Variants in ZNF273 observed in about 807,000 individuals in gnomAD.
The protein encoded by ZNF273 is zinc finger protein 273.
In ZNF273, 11 loss-of-function variants were observed where a neutral mutation model predicts 14.9. The observed-to-expected ratio is 0.74, with a 90% confidence interval of 0.46 to 1.22. The LOEUF (loss-of-function observed/expected upper bound fraction) is 1.22, where lower values mean the gene tolerates loss of function less well. ZNF273 is among the 50% of genes most tolerant of loss of function. The pLI is 0.00. For synonymous variants in ZNF273, 199 were observed against 223.9 expected, an observed-to-expected ratio of 0.89 and a Z score of 0.99; for missense variants, 577 against 660.6, an observed-to-expected ratio of 0.87 and a Z score of 1.39.
chr7:64,927,157 G>T (rs1794804370), intron 3 of ZNF273, among the ~76,000 whole-genome samples: 1 of 152,170 alleles, frequency 6.6e-6, no homozygotes, highest in South Asian at 2.1e-4. Context: ...CAATGGCGTA[G>T]TCTCAGCTCA....
chr7:64,920,153 G>A lies in ZNF273; in HGVS notation c.325+1861G>A, dbSNP rs146398041. ...GTTGTAGCTTGCTCACAAGGATGCT[G>A]GGTCTGCACTAGGGTCCACCTTTAG... On this transcript the variant is annotated intron_variant, in intron 3 of 3. Transcript: ENST00000476120. Among the ~76,000 whole-genome samples, 265 of 152,294 alleles carry A rather than the reference G, an allele frequency of 1.7e-3. 1 individual carries two copies. Among genetic ancestry groups the A allele is most frequent in the African/African-American group, 5.7e-3 (237 of 41,564 alleles).
At chr7:64,881,959 C>A (rs533210995), downstream of ZNF273, among the ~76,000 whole-genome samples, 3 of 152,322 alleles carry the variant, frequency 2.0e-5, no homozygotes, top group Admixed American at 2.0e-4. Context: ...ACTCTCTGAT[C>A]CTCACGTGCC....
At chr7:64,880,868 C>T (rs1486666581), downstream of ZNF273, among the ~76,000 whole-genome samples, 1 of 152,122 alleles carries the variant, frequency 6.6e-6, no homozygotes, top group Non-Finnish European at 1.5e-5. Flanking sequence ...GAATCCGCCT[C>T]GATTTTGGTT....
At chr7:64,925,303 A>G (rs909390204) in intron 3 of ZNF273, among the ~76,000 whole-genome samples, 2 of 151,474 alleles carry the variant, frequency 1.3e-5, no homozygotes, top group African/African-American at 4.9e-5. Context: ...ATATGCTTTC[A>G]TTTCTTTCTT....
chr7:64,923,449 C>A (rs1306225659), intron 3 of ZNF273: 1 of 446,776 alleles, frequency 2.2e-6, no homozygotes, highest in East Asian at 7.1e-5. Context: ...TCAAGTGATT[C>A]TACTGCCTCA....
downstream of ZNF273, among the ~76,000 whole-genome samples, chr7:64,880,750 A>G (rs1204034300): frequency 6.6e-6 from 1 of 152,148 alleles, no homozygotes; most frequent in Non-Finnish European, 1.5e-5. Flanking sequence ...CAACTCTTCT[A>G]GAAAGCAGAG....
downstream of ZNF273, among the ~76,000 whole-genome samples, chr7:64,894,334 T>G (rs1259461598): frequency 6.6e-6 from 1 of 152,096 alleles, no homozygotes; most frequent in African/African-American, 2.4e-5. Flanking sequence ...GTGGCAGCCA[T>G]AGGTCCTGTC....
intron 3 of ZNF273, among the ~76,000 whole-genome samples, chr7:64,925,030 T>C (rs539403232): frequency 1.3e-5 from 2 of 152,118 alleles, no homozygotes; most frequent in Admixed American, 1.3e-4. Context: ...CTCAAACTCC[T>C]GACCTAAGGT....
chr7:64,922,881 G>T (rs559899205), intron 3 of ZNF273, among the ~76,000 whole-genome samples: 6 of 151,958 alleles, frequency 3.9e-5, no homozygotes, highest in Non-Finnish European at 2.9e-5. Context: ...CATGAGAATC[G>T]CTTGAGCTGA....
chr7:64,905,296 T>G (rs1231291599), intron 1 of ZNF273, among the ~76,000 whole-genome samples: 2 of 151,694 alleles, frequency 1.3e-5, no homozygotes, highest in African/African-American at 4.8e-5. Context: ...TTGTGTTTTT[T>G]GTAGAGAGGA....
At chr7:64,892,247 T>C (rs1792079763), downstream of ZNF273, among the ~76,000 whole-genome samples, 1 of 152,216 alleles carries the variant, frequency 6.6e-6, no homozygotes, top group Admixed American at 6.5e-5. Context: ...TTCTCTTGAA[T>C]GCTGCCACAC....
At chr7:64,900,481 G>A (rs1792632065), upstream of ZNF273, among the ~76,000 whole-genome samples, 1 of 152,160 alleles carries the variant, frequency 6.6e-6, no homozygotes, top group South Asian at 2.1e-4. Flanking sequence ...ACCAAAAGCA[G>A]CCTGAAAAAT....
At chr7:64,898,547 T>C (rs576700012), upstream of ZNF273, among the ~76,000 whole-genome samples, 77 of 152,272 alleles carry the variant, frequency 5.1e-4, no homozygotes, top group Non-Finnish European at 9.6e-4. Context: ...TCCTGGAATA[T>C]ATTATAATTT....
At chr7:64,886,278 C>T (rs1266924866) in intron 1 of ZNF273, among the ~76,000 whole-genome samples, 1 of 152,280 alleles carries the variant, frequency 6.6e-6, no homozygotes, top group South Asian at 2.1e-4. Context: ...TGTGTGACCC[C>T]GGGAAGGTTA....
chr7:64,899,866 T>C (rs1279223366), upstream of ZNF273, among the ~76,000 whole-genome samples: 1 of 151,616 alleles, frequency 6.6e-6, no homozygotes, highest in African/African-American at 2.4e-5. Flanking sequence ...TTTCAAGTGA[T>C]TCTCCTGCCT....
rs1554390290 is a variant in ZNF273 at position 64,927,749 on chromosome 7, C to A, written c.421C>A (p.His141Asn). The A allele has an allele frequency of 5.0e-6, 8 of 1,613,466 alleles. No individual in the cohort carries two copies. Among genetic ancestry groups the A allele is most frequent in the Non-Finnish European group, 6.8e-6 (8 of 1,179,824 alleles). ...ACTGAGAAGATATGGAAAATATGGA[C>A]ATGAGAATTTACAATTAAGAAAAGG... ...VILRRYGKYG[H>N]ENLQLRKGCK... Residue 141 changes from histidine (H) to asparagine (N), a missense_variant, in exon 4 of 4, where the codon CAT becomes AAT. His to Asn is a moderately conservative substitution (Grantham distance 68). This residue lies in a region of ZNF273 where 162 missense variants were observed against 203.5 expected (regional missense o/e 0.80). Transcript: ENST00000476120.
rs1167220001 is a variant in ZNF273, at chr7:64,928,507, G to A, written c.1179G>A (p.Lys393=). 2 of 1,613,438 alleles carry A rather than the reference G, an allele frequency of 1.2e-6. No homozygotes were observed. The highest frequency in any genetic ancestry group is 1.3e-5 in the African/African-American group (1 of 74,852). Residue 393 remains lysine (K), a synonymous_variant, in exon 4 of 4, where the codon AAG becomes AAA. Coordinates refer to ENST00000476120, the MANE Select transcript of ZNF273 (RefSeq NM_021148.3). ...FNQSSTLTRH[K]IVHTGEKPYK... is the part of the protein sequence containing the mutation. ...AGTCCTCAACCCTTACTAGACATAA[G>A]ATAGTTCATACTGGAGAGAAACCCT...
At chr7:64,881,691 C>T (rs1444304915), downstream of ZNF273, among the ~76,000 whole-genome samples, 1 of 152,164 alleles carries the variant, frequency 6.6e-6, no homozygotes, top group Admixed American at 6.5e-5. Flanking sequence ...GCACAAGGGA[C>T]TTGGAGTAGG....
chr7:64,890,491 G>A (rs1167704643), downstream of ZNF273, among the ~76,000 whole-genome samples: 1 of 152,116 alleles, frequency 6.6e-6, no homozygotes, highest in Non-Finnish European at 1.5e-5. Context: ...TGACAAGCTG[G>A]GGAGGACGAA....
Sources: gnomAD v4.1 joint callset for allele counts (sites outside exome capture counted in the v4.1 genomes callset) on GRCh38, gnomAD v4.1.1 for gene constraint, gnomAD v4.1.1 regional missense constraint, MANE v1.5 for transcripts, NCBI Gene and HGNC (gene_info 2026-07-23, HGNC 2026-07-21) for gene names.